Variants in PTPRQ observed in about 807,000 individuals in gnomAD.
The protein encoded by PTPRQ is phosphatidylinositol phosphatase PTPRQ.
Under a neutral mutation model 246.0 loss-of-function variants are expected in PTPRQ, and 199 were observed. That is an observed-to-expected ratio of 0.81 (90% confidence interval 0.72 to 0.91). PTPRQ has a LOEUF of 0.91. Ranked by LOEUF, PTPRQ falls within the 40% of genes least tolerant of loss-of-function variation. PTPRQ has a pLI of 0.00. For missense variants in PTPRQ, 2,624 were observed against 2,528.4 expected (o/e 1.04, Z -0.81); for synonymous variants, 869 against 853.2 (o/e 1.02, Z -0.32).
chr12:80,636,814 A>T (rs966908034), intron 35 of PTPRQ, among the ~76,000 whole-genome samples: 1 of 152,164 alleles, frequency 6.6e-6, no homozygotes, highest in Non-Finnish European at 1.5e-5. Context: ...TTATTATGTC[A>T]TGTTTTTAAA....
At chr12:80,553,691 G>T (rs1252815290) in intron 25 of PTPRQ, among the ~76,000 whole-genome samples, 2 of 152,108 alleles carry the variant, frequency 1.3e-5, no homozygotes, top group African/African-American at 4.8e-5. Flanking sequence ...TGGTGTCTAA[G>T]CTGGTTCCCT....
At chr12:80,481,410 C>A (rs1894051233) in intron 8 of PTPRQ, among the ~76,000 whole-genome samples, 1 of 152,070 alleles carries the variant, frequency 6.6e-6, no homozygotes, top group Admixed American at 6.5e-5. Context: ...AAACCCACAG[C>A]CAATATCATA....
intron 25 of PTPRQ, among the ~76,000 whole-genome samples, chr12:80,578,663 G>A (rs1260025225): frequency 6.6e-6 from 1 of 152,100 alleles, no homozygotes. Flanking sequence ...AAAGTGCTGG[G>A]ATTACAGGCC....
At chr12:80,609,776 C>A (rs1472603472) in intron 27 of PTPRQ, among the ~76,000 whole-genome samples, 1 of 150,340 alleles carries the variant, frequency 6.7e-6, no homozygotes, top group Non-Finnish European at 1.5e-5. Context: ...TTAAAAAGAG[C>A]AGAAAATATC....
intron 6 of PTPRQ, among the ~76,000 whole-genome samples, chr12:80,467,562 G>A (rs1001678686): frequency 2.0e-5 from 3 of 152,160 alleles, no homozygotes; most frequent in African/African-American, 7.2e-5. Context: ...GCACACATAT[G>A]TTTATTGCGG....
intron 25 of PTPRQ, among the ~76,000 whole-genome samples, chr12:80,570,315 C>T (rs1460513094): frequency 6.6e-6 from 1 of 152,170 alleles, no homozygotes; most frequent in African/African-American, 2.4e-5. Context: ...GTTTGATTTG[C>T]ATTTCTGTAA....
chr12:80,468,587 C>A (rs188319910), intron 6 of PTPRQ, 123 bp from the exon 7 acceptor site: 3 of 974,904 alleles, frequency 3.1e-6, no homozygotes, highest in Admixed American at 3.9e-5. Context: ...GATAAAAAAA[C>A]TCTGCTTTTA....
intron 38 of PTPRQ, 56 bp downstream of exon 38, chr12:80,652,890 T>C (rs1269397249): frequency 6.4e-6 from 9 of 1,405,258 alleles, no homozygotes; most frequent in Non-Finnish European, 8.3e-6. Flanking sequence ...ATGCCTACCA[T>C]CTTAACTTTT....
Position 80,619,476 on chromosome 12 carries a change from A to C in PTPRQ, c.5323A>C (p.Ile1775Leu), listed in dbSNP as rs776444050. ...TSTTITIRMP[I>L]CYYSDDHGPI... ...AACAACAATTACAATCAGAATGCCA[A>C]TATGTTACTACAGTGATGATCATGG... is the stretch of plus-strand genomic sequence containing the variant. Residue 1775 changes from isoleucine (I) to leucine (L), a missense_variant, in exon 31 of 45, where the codon ATA (isoleucine) becomes CTA (leucine). Coordinates refer to ENST00000644991, the MANE Select transcript of PTPRQ (RefSeq NM_001145026.2). 4 of 1,548,098 alleles carry C rather than the reference A, an allele frequency of 2.6e-6. No individual in the cohort carries two copies. In the African/African-American group the frequency reaches 5.5e-5, roughly 21 times the overall value.
At chr12:80,449,060 T>C (rs1892652415) in intron 3 of PTPRQ, among the ~76,000 whole-genome samples, 1 of 151,706 alleles carries the variant, frequency 6.6e-6, no homozygotes, top group South Asian at 2.1e-4. Flanking sequence ...TTTTAATGAT[T>C]GCCATTCTAA....
At chr12:80,517,082 T>A (rs1342927333) in intron 17 of PTPRQ, among the ~76,000 whole-genome samples, 3 of 152,212 alleles carry the variant, frequency 2.0e-5, no homozygotes, top group African/African-American at 4.8e-5. Context: ...ATAGTCATTT[T>A]TCTGAATCAC....
chr12:80,567,741 C>G (rs7294454), intron 25 of PTPRQ, among the ~76,000 whole-genome samples: 6,664 of 152,112 alleles, frequency 0.044, 444 homozygotes, highest in African/African-American at 0.14. Flanking sequence ...TGAAACTGCT[C>G]TAGATGTTTT....
chr12:80,655,736 A>G (rs1900411412), intron 38 of PTPRQ, among the ~76,000 whole-genome samples: 1 of 152,040 alleles, frequency 6.6e-6, no homozygotes, highest in African/African-American at 2.4e-5. Flanking sequence ...AAGAAAATTT[A>G]TTTTCCCTGC....
intron 34 of PTPRQ, among the ~76,000 whole-genome samples, chr12:80,634,195 G>C (rs558211732): frequency 1.3e-5 from 2 of 152,032 alleles, no homozygotes; most frequent in Non-Finnish European, 2.9e-5. Context: ...ATGTCTTTGA[G>C]GGTAGGGAAC....
At chr12:80,522,173 T>C (rs924177548) in intron 17 of PTPRQ, among the ~76,000 whole-genome samples, 1 of 152,146 alleles carries the variant, frequency 6.6e-6, no homozygotes, top group Non-Finnish European at 1.5e-5. Context: ...TGTCTGTTAT[T>C]GGTATATAAG....
At position 80,550,200 on chromosome 12, in the gene PTPRQ, C is replaced by T. The variant is rs557237873; in HGVS notation, c.4285+466C>T. On this transcript the variant is annotated intron_variant, in intron 25 of 44. Transcript: ENST00000644991. ...TTTCATGTTATTTGAATAAAATATC[C>T]GGGTCGTTAAGCTTTAGTCCACAAG... 5.3e-5 allele frequency among the ~76,000 whole-genome samples: 8 copies of T among 152,088 alleles called. No homozygotes were observed. In the South Asian group the frequency reaches 1.0e-3, roughly 20 times the overall value.
At chr12:80,523,320 G>A (rs1007828583) in intron 17 of PTPRQ, among the ~76,000 whole-genome samples, 26 of 151,974 alleles carry the variant, frequency 1.7e-4, no homozygotes, top group African/African-American at 6.3e-4. Flanking sequence ...ACCAGCTCCT[G>A]GATTCATTGA....
chr12:80,540,184 C>G (rs182805460), intron 20 of PTPRQ, among the ~76,000 whole-genome samples: 1 of 151,988 alleles, frequency 6.6e-6, no homozygotes. Flanking sequence ...CAAAAGATGT[C>G]GTGGCCATCC....
At chr12:80,477,590 G>C (rs529061388) in intron 8 of PTPRQ, among the ~76,000 whole-genome samples, 1 of 152,156 alleles carries the variant, frequency 6.6e-6, no homozygotes, top group African/African-American at 2.4e-5. Context: ...CGCAGAAGAC[G>C]GGTGATTTCT....
Sources: allele counts gnomAD v4.1 joint callset (sites outside exome capture counted in the v4.1 genomes callset), GRCh38; gene constraint gnomAD v4.1.1; transcripts MANE v1.5; gene names NCBI Gene and HGNC (gene_info 2026-07-23, HGNC 2026-07-21).